KCNMB2: variants seen among roughly 807,000 people sequenced by gnomAD.
KCNMB2 encodes potassium calcium-activated channel subfamily M regulatory beta subunit 2, also known as calcium-activated potassium channel subunit beta-2.
A neutral mutation model predicts 24.5 loss-of-function variants in KCNMB2; 9 were observed. The observed-to-expected ratio is 0.37, with a 90% CI of 0.22 to 0.64. The LOEUF is 0.64. Among genes scored for constraint, KCNMB2 ranks in the 30% least tolerant of loss-of-function variants. The pLI is 0.63. For synonymous variants in KCNMB2, 109 were observed against 104.4 expected, an observed-to-expected ratio of 1.04 and a Z score of -0.27; for missense variants, 226 against 284.3, an observed-to-expected ratio of 0.79 and a Z score of 1.47.
chr3:178,821,006 TA>T (rs34737069), intron 2 of KCNMB2, among the ~76,000 whole-genome samples: 10,730 of 152,214 alleles, frequency 0.07, 471 homozygotes, highest in African/African-American at 0.12. Flanking sequence ...TTCAAACTTA[TA>T]AAGTCAAATT....
chr3:178,630,373 C>CA (rs1719275119), intron 1 of KCNMB2, among the ~76,000 whole-genome samples: 1 of 152,214 alleles, frequency 6.6e-6, no homozygotes, highest in African/African-American at 2.4e-5. Flanking sequence ...CATCTCCTCC[C>CA]AACGGGACTG....
At chr3:178,823,142 C>A (rs6789945) in intron 2 of KCNMB2, among the ~76,000 whole-genome samples, 39,849 of 152,136 alleles carry the variant, frequency 0.26, 7,051 homozygotes, top group African/African-American at 0.51. Context: ...ATTTGAGTTC[C>A]TAAAGGGTGA....
At chr3:178,697,440 GT>G (rs1392664368) in intron 1 of KCNMB2, among the ~76,000 whole-genome samples, 4 of 152,008 alleles carry the variant, frequency 2.6e-5, no homozygotes, top group African/African-American at 4.8e-5. Flanking sequence ...GCTTTTTCCT[GT>G]TTTCCATTTG....
intron 1 of KCNMB2, among the ~76,000 whole-genome samples, chr3:178,566,534 C>T (rs1258314544): frequency 6.6e-6 from 1 of 152,110 alleles, no homozygotes; most frequent in East Asian, 1.9e-4. Context: ...TCTCCAAAAC[C>T]AAGTCAAAAG....
chr3:178,656,516 T>C (rs1438618747), intron 1 of KCNMB2, among the ~76,000 whole-genome samples: 1 of 152,182 alleles, frequency 6.6e-6, no homozygotes, highest in African/African-American at 2.4e-5. Flanking sequence ...CTCACGTTCA[T>C]AATCCCAGAA....
intron 1 of KCNMB2, among the ~76,000 whole-genome samples, chr3:178,638,380 T>C (rs1719604357): frequency 6.6e-6 from 1 of 152,160 alleles, no homozygotes; most frequent in South Asian, 2.1e-4. Flanking sequence ...GTCCTTTCTT[T>C]ATATTTTCCT....
intron 1 of KCNMB2, among the ~76,000 whole-genome samples, chr3:178,648,101 C>T (rs1267246955): frequency 6.6e-6 from 1 of 152,032 alleles, no homozygotes; most frequent in African/African-American, 2.4e-5. Flanking sequence ...TCCCTTTGTT[C>T]CTTACCAACA....
intron 2 of KCNMB2, among the ~76,000 whole-genome samples, chr3:178,811,198 T>C (rs573021804): frequency 6.6e-6 from 1 of 152,306 alleles, no homozygotes; most frequent in African/African-American, 2.4e-5. Flanking sequence ...TACAAATGAA[T>C]ATTTATTACA....
chr3:178,804,573 C>T (rs1208127801), intron 1 of KCNMB2, among the ~76,000 whole-genome samples: 1 of 152,140 alleles, frequency 6.6e-6, no homozygotes, highest in Non-Finnish European at 1.5e-5. Context: ...TTTAATCTCC[C>T]TCTTTCTATA....
intron 1 of KCNMB2, among the ~76,000 whole-genome samples, chr3:178,626,253 C>T (rs1359133194): frequency 6.6e-6 from 1 of 152,122 alleles, no homozygotes; most frequent in Non-Finnish European, 1.5e-5. Context: ...ACTGTCAGAC[C>T]CATGCAAGTT....
intron 1 of KCNMB2, among the ~76,000 whole-genome samples, chr3:178,677,584 C>T (rs1184388047): frequency 6.6e-6 from 1 of 152,216 alleles, no homozygotes. Flanking sequence ...TTTCACTTCC[C>T]AGCCTCCTCC....
At chr3:178,725,686 T>A (rs933572151) in intron 1 of KCNMB2, among the ~76,000 whole-genome samples, 2 of 152,044 alleles carry the variant, frequency 1.3e-5, no homozygotes, top group African/African-American at 2.4e-5. Flanking sequence ...GAATTTCCCA[T>A]TTGCACTTAA....
rs189006570 is a variant in KCNMB2 at position 178,614,271 on chromosome 3, A to G, written c.-68+77560A>G. ...TTTATATATATATATATATATATAT[A>G]TATATATATATATATATATATATAT... On this transcript the variant is annotated intron_variant, in intron 1 of 4. Coordinates refer to ENST00000452583, the MANE Select transcript of KCNMB2 (RefSeq NM_181361.3). Among the ~76,000 whole-genome samples the G allele has an allele frequency of 4.0e-4, 34 of 84,164 alleles. 1 individual carries two copies. Among genetic ancestry groups the G allele is most frequent in the African/African-American group, 9.0e-4 (16 of 17,726 alleles). 55.2% of individuals were successfully genotyped at this position (84,164 alleles called of 152,430 possible).
At chr3:178,546,163 T>C (rs1282513876) in intron 1 of KCNMB2, among the ~76,000 whole-genome samples, 2 of 152,202 alleles carry the variant, frequency 1.3e-5, no homozygotes, top group African/African-American at 4.8e-5. Flanking sequence ...GAGAAAATTT[T>C]TGTAGATATA....
intron 2 of KCNMB2, among the ~76,000 whole-genome samples, chr3:178,814,357 T>A (rs1438051866): frequency 1.3e-5 from 2 of 152,226 alleles, no homozygotes; most frequent in African/African-American, 4.8e-5. Context: ...ATGGTGTATA[T>A]GTACCACATT....
intron 1 of KCNMB2, among the ~76,000 whole-genome samples, chr3:178,584,778 C>A (rs1717363377): frequency 6.6e-6 from 1 of 151,808 alleles, no homozygotes; most frequent in Non-Finnish European, 1.5e-5. Context: ...AGTCAAATTT[C>A]TACTATATTA....
chr3:178,561,172 A>T (rs1206794467), intron 1 of KCNMB2, among the ~76,000 whole-genome samples: 1 of 152,206 alleles, frequency 6.6e-6, no homozygotes, highest in Non-Finnish European at 1.5e-5. Context: ...TGGCTCCATA[A>T]AATTTTAGTC....
At chr3:178,750,789 C>G (rs947651135) in intron 1 of KCNMB2, among the ~76,000 whole-genome samples, 2 of 152,026 alleles carry the variant, frequency 1.3e-5, no homozygotes, top group Non-Finnish European at 2.9e-5. Flanking sequence ...AGAGGGAAAA[C>G]TTTTCACCCT....
intron 1 of KCNMB2, among the ~76,000 whole-genome samples, chr3:178,806,355 G>GT: frequency 6.6e-6 from 1 of 152,212 alleles, no homozygotes; most frequent in East Asian, 1.9e-4. Flanking sequence ...AAATACGTAT[G>GT]TGCATAAATA....
Sources: gnomAD v4.1 joint callset for allele counts (sites outside exome capture counted in the v4.1 genomes callset) on GRCh38, gnomAD v4.1.1 for gene constraint, MANE v1.5 for transcripts, NCBI Gene and HGNC (gene_info 2026-07-23, HGNC 2026-07-21) for gene names.